CAPN5: variants seen among roughly 807,000 people sequenced by gnomAD.
The protein encoded by CAPN5 is calpain-5.
CAPN5 carries 54 observed loss-of-function variants against 73.0 expected under a neutral mutation model. The ratio of observed to expected loss-of-function variants is 0.74; its 90% CI spans 0.59 to 0.93. The LOEUF is 0.93. CAPN5 is among the 40% of genes least tolerant of loss of function. The probability of loss-of-function intolerance (pLI) is 0.00; values close to 1 mark genes in which losing one functional copy is unlikely to be tolerated. For synonymous variants in CAPN5, 335 were observed against 356.9 expected (o/e 0.94, Z 0.69); for missense variants, 785 against 882.9 (o/e 0.89, Z 1.41).
intron 4 of CAPN5, among the ~76,000 whole-genome samples, chr11:77,113,901 C>G (rs1950437603): frequency 6.6e-6 from 1 of 152,202 alleles, no homozygotes; most frequent in African/African-American, 2.4e-5. Flanking sequence ...CTATCTATCC[C>G]CAGAACCTTC....
chr11:77,119,769 G>T (rs1950505223), intron 9 of CAPN5: 1 of 154,082 alleles, frequency 6.5e-6, no homozygotes, highest in South Asian at 2.0e-4. Flanking sequence ...GGCATCTGAT[G>T]TGCCTGGCCA....
chr11:77,124,562 C>T lies in CAPN5; in HGVS notation c.*692C>T, dbSNP rs1274282581. 1 of 152,456 alleles carries T rather than the reference C, an allele frequency of 6.6e-6. No homozygotes were observed. The highest frequency in any genetic ancestry group is 1.5e-5 in the Non-Finnish European group (1 of 68,218). The allele number at this position is 152,456 out of a possible 1,614,324, so 9.4% of individuals were successfully genotyped here. Reference sequence around the variant, plus strand: ...AGGCAGATACCTAGGGGAGCTGCTGCTGCCTGCTCATTCTAGCTTCCGATT... The same window carrying T: ...AGGCAGATACCTAGGGGAGCTGCTGTTGCCTGCTCATTCTAGCTTCCGATT... On this transcript the variant is annotated 3_prime_UTR_variant, in exon 13 of 13. Coordinates refer to ENST00000648180, the MANE Select transcript of CAPN5 (RefSeq NM_004055.5).
At chr11:77,093,620 T>G in intron 2 of CAPN5, 62 bp from the exon 3 acceptor site, 1 of 1,512,386 alleles carries the variant, frequency 6.6e-7, no homozygotes, top group Non-Finnish European at 8.9e-7. Flanking sequence ...TCATGTCTCC[T>G]GCCATGGGGG....
chr11:77,098,255 G>A (rs1343700221), intron 3 of CAPN5, among the ~76,000 whole-genome samples: 4 of 94,244 alleles, frequency 4.2e-5, no homozygotes, highest in Admixed American at 2.7e-4. Context: ...CCTCCCGGAC[G>A]GGGCGTCTGG....
intron 3 of CAPN5, chr11:77,102,782 C>T (rs536941771): frequency 3.7e-5 from 54 of 1,467,722 alleles, no homozygotes; most frequent in South Asian, 2.9e-4. Flanking sequence ...CTTCTCTCCA[C>T]GGCCCCAGGC....
At chr11:77,106,247 TCCCCAGCCCCGCACCCAAC>T (rs1950347031) in intron 3 of CAPN5, among the ~76,000 whole-genome samples, 1 of 149,840 alleles carries the variant, frequency 6.7e-6, no homozygotes. Flanking sequence ...GCAGAACCCT[TCCCCAGCCCCGCACCCAAC>T]CCCCACCCCC....
At chr11:77,073,249 C>A in intron 1 of CAPN5, 1 of 506,850 alleles carries the variant, frequency 2.0e-6, no homozygotes, top group Non-Finnish European at 3.5e-6. Context: ...TGGGGCTGCC[C>A]CCTGCCCAAC....
intron 9 of CAPN5, chr11:77,120,486 C>G: frequency 2.2e-6 from 1 of 459,472 alleles, no homozygotes; most frequent in Non-Finnish European, 3.8e-6. Context: ...TTCATCTCCC[C>G]AAAAGAAACC....
At chr11:77,077,918 T>G (rs1257381708) in intron 1 of CAPN5, among the ~76,000 whole-genome samples, 1 of 151,232 alleles carries the variant, frequency 6.6e-6, no homozygotes, top group Non-Finnish European at 1.5e-5. Context: ...ATCATTAGGG[T>G]TTTTTTGCTA....
chr11:77,072,647 T>C (rs1555033249), intron 1 of CAPN5, among the ~76,000 whole-genome samples: 1 of 152,210 alleles, frequency 6.6e-6, no homozygotes, highest in African/African-American at 2.4e-5. Context: ...ATTTGTGTAA[T>C]GAGAACAGCA....
intron 3 of CAPN5, among the ~76,000 whole-genome samples, chr11:77,107,364 C>T (rs1017946662): frequency 5.3e-5 from 8 of 152,174 alleles, no homozygotes; most frequent in South Asian, 4.1e-4. Flanking sequence ...GGCTCAGAAA[C>T]GCTCCGCACT....
chr11:77,107,681 G>A (rs1294173101), intron 3 of CAPN5, among the ~76,000 whole-genome samples: 12 of 152,180 alleles, frequency 7.9e-5, no homozygotes, highest in African/African-American at 2.4e-4. Flanking sequence ...CCATTCTGCC[G>A]TGGGTGGCCG....
chr11:77,121,631 CG>C (rs1303816258), intron 10 of CAPN5, among the ~76,000 whole-genome samples: 6 of 152,332 alleles, frequency 3.9e-5, no homozygotes, highest in East Asian at 1.9e-4. Context: ...ATAGCCTTTG[CG>C]GGGCTTTGCA....
intron 9 of CAPN5, chr11:77,119,506 C>T (rs1346185187): frequency 1.1e-5 from 3 of 275,694 alleles, no homozygotes; most frequent in East Asian, 7.9e-5. Flanking sequence ...CCTCAGGCCT[C>T]AGGGCCCCTT....
chr11:77,115,638 A>C, intron 6 of CAPN5, 50 bp downstream of exon 6: 1 of 1,505,754 alleles, frequency 6.6e-7, no homozygotes, highest in Non-Finnish European at 9.1e-7. Context: ...GGCTTGGACA[A>C]GGACGGGTGG....
chr11:77,081,684 G>C (rs1177146071), intron 1 of CAPN5, among the ~76,000 whole-genome samples: 2 of 152,206 alleles, frequency 1.3e-5, no homozygotes, highest in Non-Finnish European at 2.9e-5. Context: ...CGGGGGCCTG[G>C]GTCGAGGCTC....
In CAPN5 at chr11:77,115,607, G is replaced by T; in HGVS notation, c.893+19G>T. The T allele has an allele frequency of 6.3e-7, 1 of 1,596,806 alleles. No individual in the cohort carries two copies. Among genetic ancestry groups the T allele is most frequent in the Admixed American group, 1.7e-5 (1 of 59,616 alleles). ...GTGACACGTGAGGCCTGGGGATGGG[G>T]GTGCAGGCACAGGGCATGAGGGCTT... On this transcript the variant is annotated intron_variant, in intron 6 of 12. Transcript: ENST00000648180.
intron 1 of CAPN5, among the ~76,000 whole-genome samples, chr11:77,069,585 G>T (rs1238175182): frequency 1.3e-5 from 2 of 152,130 alleles, no homozygotes; most frequent in Non-Finnish European, 2.9e-5. Flanking sequence ...AGGTTGAACA[G>T]AAAGCCCAGC....
At chr11:77,079,314 A>G (rs35447306) in intron 1 of CAPN5, among the ~76,000 whole-genome samples, 6,567 of 152,064 alleles carry the variant, frequency 0.043, 170 homozygotes, top group Admixed American at 0.08. Context: ...TTGGCCTATA[A>G]TTTTCTTTTC....
Sources: gnomAD v4.1 joint callset for allele counts (sites outside exome capture counted in the v4.1 genomes callset) on GRCh38, gnomAD v4.1.1 for gene constraint, MANE v1.5 for transcripts, NCBI Gene and HGNC (gene_info 2026-07-23, HGNC 2026-07-21) for gene names.